The following C16orf96 variants were observed in gnomAD, a reference collection of about 807,000 sequenced individuals.
The protein encoded by C16orf96 is uncharacterized protein C16orf96.
Under a neutral mutation model 103.6 loss-of-function variants are expected in C16orf96, and 108 were observed. The ratio of observed to expected loss-of-function variants is 1.04; its 90% CI spans 0.89 to 1.22. C16orf96 has a LOEUF of 1.22. C16orf96 is among the 50% of genes most tolerant of loss of function. The pLI is 0.00. For missense variants in C16orf96, 1,586 were observed against 1,464.2 expected (o/e 1.08, Z -1.36); for synonymous variants, 566 against 593.5 (o/e 0.95, Z 0.67).
chr16:4,538,915 A>T, the C16orf96 span: 1 of 152,300 alleles, frequency 6.6e-6, no homozygotes, highest in Admixed American at 6.5e-5. Flanking sequence ...GGGGCTGAGC[A>T]CGTGGGATGG....
At chr16:4,599,060 G>A (rs752255977) in intron 14 of C16orf96, among the ~76,000 whole-genome samples, 3 of 151,440 alleles carry the variant, frequency 2.0e-5, no homozygotes, top group Non-Finnish European at 2.9e-5. Flanking sequence ...TCAAGGCTGC[G>A]TGCGCTCCAG....
At position 4,571,588 on chromosome 16, in the gene C16orf96, A is replaced by G. The variant is rs1461046992; in HGVS notation, c.448A>G (p.Thr150Ala). ...AATGCAGACCCTGCAGGACTTGCTCACTGATCTTCATGCACTCCAGGTCAC... is the reference window on the plus strand; with the variant it reads ...AATGCAGACCCTGCAGGACTTGCTCGCTGATCTTCATGCACTCCAGGTCAC... ...KSMQTLQDLL[T>A]DLHALQVTIT... The change falls in exon 2 of 16, where the codon ACT (threonine) becomes GCT (alanine). Residue 150 changes from threonine (T) to alanine (A), a missense_variant. Coordinates refer to ENST00000444310, the MANE Select transcript of C16orf96 (RefSeq NM_001145011.2). 9.7e-6 allele frequency: 15 copies of G among 1,552,144 alleles called. No individual in the cohort carries two copies. The highest frequency in any genetic ancestry group is 1.3e-5 in the Non-Finnish European group (15 of 1,147,082).
intron 15 of C16orf96, 55 bp from the exon 16 acceptor site, chr16:4,600,045 T>A (rs1897250675): frequency 1.4e-6 from 2 of 1,475,416 alleles, no homozygotes; most frequent in African/African-American, 1.4e-5. Flanking sequence ...ATCAGGCTAG[T>A]GTCTCCCAAG....
At chr16:4,584,725 G>A (rs187201007) in intron 7 of C16orf96, among the ~76,000 whole-genome samples, 1 of 152,102 alleles carries the variant, frequency 6.6e-6, no homozygotes, top group Non-Finnish European at 1.5e-5. Context: ...GTAGAGACAG[G>A]GTTTCACCAC....
chr16:4,583,857 G>A (rs565832110), intron 7 of C16orf96, among the ~76,000 whole-genome samples: 40 of 150,976 alleles, frequency 2.6e-4, no homozygotes, highest in African/African-American at 7.6e-4. Flanking sequence ...CTCAGGAGGC[G>A]GAGGCTGCAG....
intron 2 of C16orf96, among the ~76,000 whole-genome samples, chr16:4,574,200 G>T (rs2059473472): frequency 6.6e-6 from 1 of 151,560 alleles, no homozygotes; most frequent in African/African-American, 2.4e-5. Flanking sequence ...ACAGAAACCT[G>T]TTGAAATGTT....
intron 1 of C16orf96, chr16:4,563,035 G>T: frequency 1.1e-6 from 1 of 932,794 alleles, no homozygotes; most frequent in Non-Finnish European, 1.7e-6. Context: ...CTGCTCCTCT[G>T]TCAGAAGATG....
chr16:4,569,638 G>T (rs2059415614), intron 1 of C16orf96, among the ~76,000 whole-genome samples: 1 of 151,538 alleles, frequency 6.6e-6, no homozygotes, highest in Middle Eastern at 3.2e-3. Flanking sequence ...AGGCTGAGGT[G>T]GGAGAATCAC....
At chr16:4,561,376 G>C (rs2059329319) in intron 1 of C16orf96, 1 of 152,146 alleles carries the variant, frequency 6.6e-6, no homozygotes, top group African/African-American at 2.4e-5. Context: ...GATCTTCTCA[G>C]ACAAGATAGA....
the C16orf96 span, among the ~76,000 whole-genome samples, chr16:4,549,342 G>A: frequency 6.1e-4 from 92 of 152,046 alleles, no homozygotes; most frequent in East Asian, 0.012. Flanking sequence ...GCGTGGTGGC[G>A]GGTGCCTGTA....
At chr16:4,557,643 A>G (rs2059280309) in intron 1 of C16orf96, among the ~76,000 whole-genome samples, 1 of 152,238 alleles carries the variant, frequency 6.6e-6, no homozygotes, top group South Asian at 2.1e-4. Flanking sequence ...TTCACTTAAA[A>G]ATGGCTAATT....
Position 4,600,741 on chromosome 16 carries a change from A to G in C16orf96, c.*424A>G. The G allele has an allele frequency of 5.9e-6, 1 of 170,404 alleles. No individual in the cohort carries two copies. Among genetic ancestry groups the G allele is most frequent in the Non-Finnish European group, 1.3e-5 (1 of 78,316 alleles). The allele number at this position is 170,404 out of a possible 1,614,324, so 10.6% of individuals were successfully genotyped here. ...TCTCATTCTACATTGTCATATAAAC[A>G]CAGCTTTCTAGAGTGAATTTTCCAA... On this transcript the variant is annotated 3_prime_UTR_variant, in exon 16 of 16. Coordinates refer to ENST00000444310, the MANE Select transcript of C16orf96 (RefSeq NM_001145011.2).
chr16:4,583,924 C>CAA (rs58974530), intron 7 of C16orf96, among the ~76,000 whole-genome samples: 14 of 78,158 alleles, frequency 1.8e-4, no homozygotes, highest in African/African-American at 6.8e-4. Flanking sequence ...GACTGTATCT[C>CAA]AAAAAAAAAA....
Position 4,591,650 on chromosome 16 carries a change from C to T in C16orf96, c.2593-16C>T, listed in dbSNP as rs1374741197. On this transcript the variant is annotated splice_polypyrimidine_tract_variant and intron_variant, in intron 9 of 15. Transcript: ENST00000444310. ...CATAGAGTATTCTTTCTTATCTTCC[C>T]CTTGGCTGTTGGCAGTTAGTCCACA... 1.0e-5 allele frequency: 16 copies of T among 1,534,734 alleles called. No homozygotes were observed. The highest frequency in any genetic ancestry group is 1.4e-5 in the Non-Finnish European group (16 of 1,131,812).
intron 3 of C16orf96, 84 bp from the exon 4 acceptor site, chr16:4,574,888 C>G: frequency 6.6e-7 from 1 of 1,522,526 alleles, no homozygotes. Flanking sequence ...GAGGAGAACA[C>G]AGCCTGGAAA....
the C16orf96 span, among the ~76,000 whole-genome samples, chr16:4,545,265 G>T: frequency 6.6e-6 from 1 of 152,182 alleles, no homozygotes; most frequent in Admixed American, 6.5e-5. Flanking sequence ...GGAGTGCAGT[G>T]GCGCGATGAT....
chr16:4,579,849 G>A (rs1567449436), intron 6 of C16orf96, among the ~76,000 whole-genome samples, 166 bp from the exon 7 acceptor site: 1 of 152,036 alleles, frequency 6.6e-6, no homozygotes, highest in Admixed American at 6.6e-5. Flanking sequence ...GACCTCAGTT[G>A]ATCTACCCAT....
Position 4,556,412 on chromosome 16 carries a change from G to C in C16orf96, c.-78G>C, listed in dbSNP as rs1451783016. 1 of 1,411,516 alleles carries C rather than the reference G, an allele frequency of 7.1e-7. No individual in the cohort carries two copies. Among genetic ancestry groups the C allele is most frequent in the African/African-American group, 1.4e-5 (1 of 69,166 alleles). The allele number at this position is 1,411,516 out of a possible 1,614,324, so 87.4% of individuals were successfully genotyped here. A position where few individuals can be genotyped will look rare whatever the true frequency, so the allele number is the denominator to read the frequency against. On this transcript the variant is annotated 5_prime_UTR_variant, in exon 1 of 16. It removes the in-frame stop codon of an upstream open reading frame in the 5' UTR. Transcript: ENST00000444310. ...AGGCCTCTGAGGACCAGTCCATGTA[G>C]CTCTCGGAACCACTGAAAGCTACCC...
In C16orf96 at chr16:4,594,510, C is replaced by T. The variant is rs567480896; in HGVS notation, c.3027C>T (p.Ser1009=). The T allele has an allele frequency of 1.7e-4, 265 of 1,550,398 alleles. 1 individual carries two copies. The South Asian group carries it at 3.0e-3, about 18-fold the overall frequency. Residue 1009 remains serine (S), a splice_region_variant and synonymous_variant, in exon 13 of 16, where the codon AGC becomes AGT. Transcript: ENST00000444310. Reference sequence around the variant, plus strand: ...ATCCCCACGTGATCGACTATGACAGCGTGAGTCTGGCCGGGGCCTCCTTCT... The same window carrying T: ...ATCCCCACGTGATCGACTATGACAGTGTGAGTCTGGCCGGGGCCTCCTTCT... ...YGDPHVIDYD[S]AEVDILGVDG... is the part of the protein sequence containing the mutation.
Sources: gnomAD v4.1 joint callset for allele counts (sites outside exome capture counted in the v4.1 genomes callset) on GRCh38, gnomAD v4.1.1 for gene constraint, MANE v1.5 for transcripts, NCBI Gene and HGNC (gene_info 2026-07-23, HGNC 2026-07-21) for gene names.